SH3KBP1: variants seen among roughly 807,000 people sequenced by gnomAD.
The protein encoded by SH3KBP1 is SH3 domain-containing kinase-binding protein 1.
SH3KBP1 carries 8 observed loss-of-function variants against 50.1 expected under a neutral mutation model. That is an observed-to-expected ratio of 0.16 (90% CI 0.09 to 0.29). The LOEUF is 0.29. Among genes scored for constraint, SH3KBP1 ranks in the 10% least tolerant of loss-of-function variants. SH3KBP1 has a pLI of 1.00. For synonymous variants in SH3KBP1, 227 were observed against 218.6 expected (o/e 1.04, Z -0.34); for missense variants, 377 against 535.2 (o/e 0.70, Z 2.92).
chrX:19,757,098 G>A (rs2065228825), intron 2 of SH3KBP1, among the ~76,000 whole-genome samples: 1 of 102,137 alleles, frequency 9.8e-6, no homozygotes, highest in Non-Finnish European at 2.0e-5. Flanking sequence ...TAAACATTGA[G>A]TAATTGAAAT....
intron 6 of SH3KBP1, among the ~76,000 whole-genome samples, chrX:19,651,598 C>T (rs1393461960): frequency 1.8e-5 from 2 of 112,425 alleles, no homozygotes; most frequent in Admixed American, 9.4e-5. Flanking sequence ...ATGTTTATTT[C>T]CTTGGTTGCC....
At chrX:19,845,431 T>A (rs1281821086) in intron 1 of SH3KBP1, among the ~76,000 whole-genome samples, 1 of 104,469 alleles carries the variant, frequency 9.6e-6, no homozygotes, top group Admixed American at 1.0e-4. Context: ...TGAGCCGAGA[T>A]CATGCCACTG....
chrX:19,691,201 T>C (rs1262737813), intron 5 of SH3KBP1, among the ~76,000 whole-genome samples: 7 of 108,917 alleles, frequency 6.4e-5, no homozygotes, highest in African/African-American at 2.3e-4. Flanking sequence ...CAATTATCAA[T>C]GGCTGCTAAC....
At chrX:19,837,356 A>G (rs903710949) in intron 1 of SH3KBP1, among the ~76,000 whole-genome samples, 6 of 112,153 alleles carry the variant, frequency 5.3e-5, no homozygotes, top group African/African-American at 1.6e-4. Context: ...CAAAGTGCCA[A>G]TGCAAATTAG....
chrX:19,613,775 T>G (rs993284707), intron 8 of SH3KBP1, among the ~76,000 whole-genome samples: 1 of 112,228 alleles, frequency 8.9e-6, no homozygotes, highest in South Asian at 3.7e-4. Flanking sequence ...AAGGGAGCCA[T>G]TCCTTATTTT....
At chrX:19,581,963 A>AT (rs781028715) in intron 12 of SH3KBP1, among the ~76,000 whole-genome samples, 33 of 110,505 alleles carry the variant, frequency 3.0e-4, no homozygotes, top group Non-Finnish European at 3.6e-4. Context: ...TCCACATGGT[A>AT]TGTTTAACAT....
chrX:19,874,744 G>T (rs1266503049), intron 1 of SH3KBP1, among the ~76,000 whole-genome samples: 1 of 100,150 alleles, frequency 1.0e-5, no homozygotes, highest in Non-Finnish European at 2.0e-5. Flanking sequence ...CGGGGAGAGA[G>T]ACTAAGAGGG....
rs956488626 is a variant in SH3KBP1, at chrX:19,719,257, G to A, written c.287-12273C>T. ...ACATCTGCCTCATGATGGTTAGGGC[G>A]ATGCCACTGCACCACTCTAGATCCC... On this transcript the variant is annotated intron_variant, in intron 3 of 17. Transcript: ENST00000397821. Among the ~76,000 whole-genome samples, 13 of 111,204 alleles carry A rather than the reference G, an allele frequency of 1.2e-4. No homozygotes were observed. The South Asian group carries it at 3.4e-3, about 29-fold the overall frequency.
rs1218847137 is a variant in SH3KBP1, at chrX:19,725,978, G to A, written c.287-18994C>T. ...AGTAGCCAGCACAGAGTGTCTGAGAGTGGACATGAAGGCAGCAAGGAGGGA... is the reference window on the plus strand; with the variant it reads ...AGTAGCCAGCACAGAGTGTCTGAGAATGGACATGAAGGCAGCAAGGAGGGA... On this transcript the variant is annotated intron_variant, in intron 3 of 17. Transcript: ENST00000397821. Among the ~76,000 whole-genome samples the A allele has an allele frequency of 3.6e-5, 4 of 112,045 alleles. No homozygotes were observed. In the Admixed American group the frequency reaches 3.8e-4, roughly 11 times the overall value.
chrX:19,585,267 G>A (rs1049544370), intron 12 of SH3KBP1, among the ~76,000 whole-genome samples: 2 of 111,521 alleles, frequency 1.8e-5, no homozygotes, highest in African/African-American at 6.5e-5. Context: ...GACGACAGGA[G>A]AGGCAAAATT....
chrX:19,549,018 G>A (rs1285554217), intron 14 of SH3KBP1, among the ~76,000 whole-genome samples: 1 of 111,972 alleles, frequency 8.9e-6, no homozygotes. Flanking sequence ...ATTCATTTGA[G>A]TGTTGTTTAT....
At chrX:19,774,588 G>A (rs985783012) in intron 2 of SH3KBP1, among the ~76,000 whole-genome samples, 1 of 106,461 alleles carries the variant, frequency 9.4e-6, no homozygotes, top group Admixed American at 1.0e-4. Context: ...GGAGAATGGC[G>A]TGAACCCAGG....
Position 19,600,520 on chromosome X carries a change from T to C in SH3KBP1, c.1006-5520A>G, listed in dbSNP as rs376783293. Among the ~76,000 whole-genome samples, 10 of 112,320 alleles carry C rather than the reference T, an allele frequency of 8.9e-5. No homozygotes were observed. In the East Asian group the frequency reaches 1.4e-3, roughly 16 times the overall value. Reference sequence around the variant, plus strand: ...TAGAAAATTCATCACAGGAGTTCACTATTCTCAAATAAAAAGACATGAAGA... The same window carrying C: ...TAGAAAATTCATCACAGGAGTTCACCATTCTCAAATAAAAAGACATGAAGA... On this transcript the variant is annotated intron_variant, in intron 9 of 17. Coordinates refer to ENST00000397821, the MANE Select transcript of SH3KBP1 (RefSeq NM_031892.3).
intron 1 of SH3KBP1, among the ~76,000 whole-genome samples, chrX:19,850,344 T>G (rs1242116582): frequency 9.0e-6 from 1 of 111,127 alleles, no homozygotes; most frequent in Non-Finnish European, 1.9e-5. Context: ...CCACCATGCC[T>G]GGCTAATTTT....
chrX:19,814,249 C>G (rs1404395926), intron 2 of SH3KBP1, among the ~76,000 whole-genome samples: 1 of 111,353 alleles, frequency 9.0e-6, no homozygotes. Context: ...CACTGCCACC[C>G]CCTGGTCTCC....
At chrX:19,757,741 G>A (rs182818222) in intron 2 of SH3KBP1, among the ~76,000 whole-genome samples, 213 of 110,720 alleles carry the variant, frequency 1.9e-3, no homozygotes, top group African/African-American at 6.3e-3. Flanking sequence ...CCGGGCGTGC[G>A]TCCTTAACTT....
chrX:19,812,956 A>C (rs2067249754), intron 2 of SH3KBP1, among the ~76,000 whole-genome samples: 1 of 106,586 alleles, frequency 9.4e-6, no homozygotes, highest in African/African-American at 3.5e-5. Context: ...GCCTGGGTGA[A>C]AGAGAGAGAC....
At chrX:19,849,506 T>C (rs1284293527) in intron 1 of SH3KBP1, among the ~76,000 whole-genome samples, 2 of 109,406 alleles carry the variant, frequency 1.8e-5, no homozygotes, top group Non-Finnish European at 3.8e-5. Context: ...CTGGCCAACA[T>C]GGTAAAACCC....
intron 12 of SH3KBP1, among the ~76,000 whole-genome samples, chrX:19,578,123 C>T (rs928467111): frequency 3.6e-5 from 4 of 111,990 alleles, no homozygotes; most frequent in African/African-American, 6.5e-5. Context: ...AGAAACCACT[C>T]GAATTATCCT....
Sources: gnomAD v4.1 joint callset for allele counts (sites outside exome capture counted in the v4.1 genomes callset) on GRCh38, gnomAD v4.1.1 for gene constraint, MANE v1.5 for transcripts, NCBI Gene and HGNC (gene_info 2026-07-23, HGNC 2026-07-21) for gene names.